The following KCNIP4 variants were observed in gnomAD, a reference collection of about 807,000 sequenced individuals.
KCNIP4 encodes Kv channel-interacting protein 4.
KCNIP4 carries 12 observed loss-of-function variants against 34.0 expected under a neutral mutation model. The ratio of observed to expected loss-of-function variants is 0.35; its 90% confidence interval spans 0.23 to 0.57. KCNIP4 has a LOEUF of 0.57. Ranked by LOEUF, KCNIP4 falls within the 20% of genes least tolerant of loss-of-function variation. The probability of loss-of-function intolerance (pLI) is 0.83; values close to 1 mark genes in which losing one functional copy is unlikely to be tolerated. For missense variants in KCNIP4, 238 were observed against 311.7 expected (o/e 0.76, Z 1.78); for synonymous variants, 124 against 102.2 (o/e 1.21, Z -1.29).
chr4:21,609,809 C>A (rs1560559364), intron 1 of KCNIP4, among the ~76,000 whole-genome samples: 1 of 152,186 alleles, frequency 6.6e-6, no homozygotes, highest in African/African-American at 2.4e-5. Context: ...TGTGCTAAGA[C>A]TGTGTTAATC....
rs564993097 is a variant in KCNIP4 at position 21,412,996 on chromosome 4, T to C, written c.62-530287A>G. 2.0e-5 allele frequency among the ~76,000 whole-genome samples: 3 copies of C among 152,316 alleles called. No individual in the cohort carries two copies. In the East Asian group the frequency reaches 5.8e-4, roughly 29 times the overall value. ...TTCACTGCTATAAGCCAGAGAACAC[T>C]GATATATCTCCTTGCCCCAGGGTTA... On this transcript the variant is annotated intron_variant, in intron 1 of 8. Coordinates refer to ENST00000382152, the MANE Select transcript of KCNIP4 (RefSeq NM_025221.6).
chr4:21,365,539 AAAG>A (rs1323948767), intron 1 of KCNIP4, among the ~76,000 whole-genome samples: 1 of 65,062 alleles, frequency 1.5e-5, no homozygotes, highest in African/African-American at 3.8e-5. Flanking sequence ...TAAAGAAAGA[AAAG>A]AAAAAGAAAA....
intron 3 of KCNIP4, among the ~76,000 whole-genome samples, chr4:20,794,517 A>C (rs895796105): frequency 3.3e-5 from 5 of 152,190 alleles, no homozygotes; most frequent in Admixed American, 1.3e-4. Flanking sequence ...CACTTATATA[A>C]AAGTAAATAC....
At chr4:21,451,421 A>T (rs1728497748) in intron 1 of KCNIP4, among the ~76,000 whole-genome samples, 1 of 152,150 alleles carries the variant, frequency 6.6e-6, no homozygotes, top group Non-Finnish European at 1.5e-5. Flanking sequence ...GTGAAAAGAG[A>T]TTAAAGTCAA....
intron 1 of KCNIP4, among the ~76,000 whole-genome samples, chr4:21,715,094 T>C (rs1198326703): frequency 7.1e-6 from 1 of 140,240 alleles, no homozygotes; most frequent in Non-Finnish European, 1.5e-5. Context: ...ATTTTATTTA[T>C]TTTTGAGATG....
chr4:21,917,293 C>T (rs1259953900), intron 1 of KCNIP4, among the ~76,000 whole-genome samples: 1 of 152,036 alleles, frequency 6.6e-6, no homozygotes, highest in Non-Finnish European at 1.5e-5. Flanking sequence ...CACCGCCACA[C>T]CCAGCTAATT....
At chr4:21,423,974 A>T (rs1001957277) in intron 1 of KCNIP4, among the ~76,000 whole-genome samples, 19 of 144,934 alleles carry the variant, frequency 1.3e-4, no homozygotes, top group Admixed American at 1.4e-4. Context: ...TGCCCGGCCA[A>T]TTTTTTTTTT....
At chr4:21,052,008 A>C (rs2108949569) in intron 1 of KCNIP4, among the ~76,000 whole-genome samples, 1 of 152,334 alleles carries the variant, frequency 6.6e-6, no homozygotes, top group Non-Finnish European at 1.5e-5. Flanking sequence ...TCATAAAATA[A>C]CTACACCTCA....
At chr4:21,304,020 G>A in intron 1 of KCNIP4, 1 of 922,486 alleles carries the variant, frequency 1.1e-6, no homozygotes, top group Non-Finnish European at 1.4e-6. Context: ...AAGGGGAGGA[G>A]GAGAGCGTAT....
At chr4:21,430,663 AC>A (rs1331408033) in intron 1 of KCNIP4, among the ~76,000 whole-genome samples, 2 of 152,112 alleles carry the variant, frequency 1.3e-5, no homozygotes, top group Admixed American at 1.3e-4. Flanking sequence ...TTTAATCCTT[AC>A]AATAGCCTCC....
At chr4:21,512,185 GAACGAAGGAAC>G (rs1734391703) in intron 1 of KCNIP4, among the ~76,000 whole-genome samples, 1 of 135,512 alleles carries the variant, frequency 7.4e-6, no homozygotes, top group African/African-American at 3.2e-5. Flanking sequence ...AGGAAGGAAC[GAACGAAGGAAC>G]GAACGAAGGA....
chr4:20,878,846 G>A (rs1197467316), intron 2 of KCNIP4, among the ~76,000 whole-genome samples: 1 of 152,088 alleles, frequency 6.6e-6, no homozygotes, highest in African/African-American at 2.4e-5. Context: ...GATCATAAAA[G>A]TCTGAGCTGG....
chr4:21,234,210 G>A (rs186495330), intron 1 of KCNIP4, among the ~76,000 whole-genome samples: 2,351 of 31,122 alleles, frequency 0.076, 450 homozygotes, highest in African/African-American at 0.22. Context: ...CATATATAAC[G>A]TATATTATAT....
At chr4:21,070,297 A>T (rs1463769280) in intron 1 of KCNIP4, among the ~76,000 whole-genome samples, 3 of 152,156 alleles carry the variant, frequency 2.0e-5, no homozygotes, top group African/African-American at 7.2e-5. Flanking sequence ...GTGAACAATC[A>T]TGTGCAGATT....
Position 21,110,707 on chromosome 4 carries a change from G to A in KCNIP4, c.62-227998C>T, listed in dbSNP as rs142202355. On this transcript the variant is annotated intron_variant, in intron 1 of 8. Transcript: ENST00000382152. ...GGTCTTTGAGAGGCAATTAGGTCATGGAATAAGTACCCTTATACAGGAAAT... is the reference window on the plus strand; with the variant it reads ...GGTCTTTGAGAGGCAATTAGGTCATAGAATAAGTACCCTTATACAGGAAAT... Among the ~76,000 whole-genome samples, 48 of 152,276 alleles carry A rather than the reference G, an allele frequency of 3.2e-4. No individual in the cohort carries two copies. The East Asian group carries it at 8.5e-3, about 27-fold the overall frequency.
chr4:21,489,044 A>G (rs1577450044), intron 1 of KCNIP4, among the ~76,000 whole-genome samples: 1 of 152,158 alleles, frequency 6.6e-6, no homozygotes, highest in East Asian at 1.9e-4. Flanking sequence ...ATGCAACACA[A>G]AGCTGTCTCC....
chr4:21,665,453 TAAA>T (rs1459359599), intron 1 of KCNIP4, among the ~76,000 whole-genome samples: 1 of 151,866 alleles, frequency 6.6e-6, no homozygotes, highest in Non-Finnish European at 1.5e-5. Flanking sequence ...ATTGCCAACT[TAAA>T]AAGAAGTCAG....
intron 1 of KCNIP4, among the ~76,000 whole-genome samples, chr4:20,936,564 TA>T (rs11340484): frequency 0.13 from 19,952 of 151,840 alleles, 1,842 homozygotes; most frequent in African/African-American, 0.27. Context: ...TAGTAGGTAT[TA>T]AAAAAAATTC....
At chr4:20,996,789 C>G (rs144369776) in intron 1 of KCNIP4, among the ~76,000 whole-genome samples, 1 of 151,944 alleles carries the variant, frequency 6.6e-6, no homozygotes, top group Admixed American at 6.6e-5. Flanking sequence ...CCTCTTAGCA[C>G]GTTCATTTCC....
Sources: gnomAD v4.1 joint callset for allele counts (sites outside exome capture counted in the v4.1 genomes callset) on GRCh38, gnomAD v4.1.1 for gene constraint, MANE v1.5 for transcripts, NCBI Gene and HGNC (gene_info 2026-07-23, HGNC 2026-07-21) for gene names.